BBS7: variants seen among roughly 807,000 people sequenced by gnomAD.
BBS7 encodes BBSome complex member BBS7.
A neutral mutation model predicts 90.3 loss-of-function variants in BBS7; 50 were observed. The ratio of observed to expected loss-of-function variants is 0.55; its 90% CI spans 0.44 to 0.70. The LOEUF (loss-of-function observed/expected upper bound fraction) is 0.70. BBS7 is among the 30% of genes least tolerant of loss of function. BBS7 has a pLI of 0.00. For missense variants in BBS7, 729 were observed against 838.9 expected (o/e 0.87, Z 1.62); for synonymous variants, 235 against 287.4 (o/e 0.82, Z 1.85).
intron 12 of BBS7, 94 bp downstream of exon 12, chr4:121,843,833 G>T: frequency 1.2e-6 from 1 of 842,732 alleles, no homozygotes; most frequent in Non-Finnish European, 1.9e-6. Context: ...AATTGAAAAA[G>T]AAACATCAAA....
Position 121,861,639 on chromosome 4 carries a change from A to T in BBS7, c.206T>A (p.Leu69Gln), listed in dbSNP as rs1726984410. The change falls in exon 4 of 19, where the codon CTG becomes CAG. Residue 69 changes from leucine (L) to glutamine (Q), a missense_variant. Physicochemically the swap from Leu to Gln is moderately radical, Grantham distance 113 (BLOSUM62 -2). Coordinates refer to ENST00000264499, the MANE Select transcript of BBS7 (RefSeq NM_176824.3). Reference sequence around the variant, plus strand: ...TGTGTTGATAACCCCTCCCAGTTCCAGCCTTGCAATCTTCGGCCCGGGTAA... The same window carrying T: ...TGTGTTGATAACCCCTCCCAGTTCCTGCCTTGCAATCTTCGGCCCGGGTAA... ...KTLPGPKIAR[L>Q]ELGGVINTPQ... 2 of 1,613,746 alleles carry T rather than the reference A, an allele frequency of 1.2e-6. No individual in the cohort carries two copies. The highest frequency in any genetic ancestry group is 1.7e-6 in the Non-Finnish European group (2 of 1,179,850).
chr4:121,867,370 GATA>G (rs1220782579), intron 2 of BBS7, among the ~76,000 whole-genome samples: 17 of 152,094 alleles, frequency 1.1e-4, no homozygotes, highest in African/African-American at 4.1e-4. Context: ...GGCAAACAGA[GATA>G]ATTTGACTCT....
chr4:121,867,895 G>T, intron 2 of BBS7, 86 bp downstream of exon 2: 1 of 1,170,448 alleles, frequency 8.5e-7, no homozygotes, highest in Non-Finnish European at 1.3e-6. Context: ...ATTTTTAAGA[G>T]AATAACTTAA....
At chr4:121,842,622 C>T (rs998519074) in intron 12 of BBS7, among the ~76,000 whole-genome samples, 4 of 151,882 alleles carry the variant, frequency 2.6e-5, no homozygotes, top group Admixed American at 2.0e-4. Flanking sequence ...GGCAACAGAG[C>T]GAGACCATGT....
intron 3 of BBS7, 43 bp from the exon 4 acceptor site, chr4:121,861,722 T>C (rs1726992591): frequency 6.2e-7 from 1 of 1,605,078 alleles, no homozygotes; most frequent in African/African-American, 1.3e-5. Context: ...AATTACTTTA[T>C]TGTGAGCATT....
chr4:121,864,029 G>A (rs1018673008), intron 2 of BBS7, among the ~76,000 whole-genome samples: 5 of 152,148 alleles, frequency 3.3e-5, no homozygotes, highest in African/African-American at 4.8e-5. Flanking sequence ...GATCAGCAGC[G>A]TCATTAGATT....
intron 1 of BBS7, 28 bp downstream of exon 1, chr4:121,870,250 C>T (rs1428426711): frequency 6.2e-7 from 1 of 1,613,466 alleles, no homozygotes; most frequent in Non-Finnish European, 8.5e-7. Flanking sequence ...TTGCCCAGCG[C>T]GGCGCCCGCC....
Position 121,843,998 on chromosome 4 carries a change from C to T in BBS7, c.1234G>A (p.Asp412Asn). ...ACATCAAGTAAATCTATTGGAACAT[C>T]ACTCTATAGTCAATATTAAAAAAAA... ...TAIDNVLIQS[D>N]VPIDLLDVDK... Residue 412 changes from aspartate to asparagine, a missense_variant, in exon 12 of 19, where the codon GAT (aspartate) becomes AAT (asparagine). Transcript: ENST00000264499. 1 of 1,580,692 alleles carries T rather than the reference C, an allele frequency of 6.3e-7. No homozygotes were observed. The highest frequency in any genetic ancestry group is 8.7e-7 in the Non-Finnish European group (1 of 1,155,258).
intron 3 of BBS7, among the ~76,000 whole-genome samples, chr4:121,862,437 T>C (rs893065682): frequency 1.6e-4 from 25 of 152,172 alleles, no homozygotes; most frequent in Non-Finnish European, 4.4e-5. Flanking sequence ...TTTTATTCTC[T>C]TCATCTTTCT....
intron 2 of BBS7, 56 bp from the exon 3 acceptor site, chr4:121,863,335 A>T: frequency 7.1e-7 from 1 of 1,414,680 alleles, no homozygotes; most frequent in Non-Finnish European, 1.0e-6. Flanking sequence ...TGACCTAATA[A>T]TTATATACAG....
intron 4 of BBS7, among the ~76,000 whole-genome samples, chr4:121,859,931 T>C (rs1432788601): frequency 6.6e-6 from 1 of 152,118 alleles, no homozygotes; most frequent in Non-Finnish European, 1.5e-5. Flanking sequence ...TGACAAAAAT[T>C]ATATTTAAGT....
chr4:121,842,517 C>A (rs1269599348), intron 12 of BBS7, among the ~76,000 whole-genome samples: 1 of 151,610 alleles, frequency 6.6e-6, no homozygotes, highest in Non-Finnish European at 1.5e-5. Context: ...TGCCTGTAGT[C>A]CCAGCTACTT....
intron 10 of BBS7, 78 bp downstream of exon 10, chr4:121,847,326 G>T: frequency 1.1e-6 from 1 of 879,674 alleles, no homozygotes; most frequent in Non-Finnish European, 1.9e-6. Flanking sequence ...AAAATATACT[G>T]CATCTATAAG....
intron 14 of BBS7, among the ~76,000 whole-genome samples, chr4:121,833,861 A>T (rs888222155): frequency 2.0e-5 from 3 of 152,096 alleles, no homozygotes; most frequent in Non-Finnish European, 4.4e-5. Context: ...AAAAAAGCTT[A>T]TCTAGTATTT....
At chr4:121,849,042 A>T in intron 8 of BBS7, 114 bp from the exon 9 acceptor site, 5 of 675,920 alleles carry the variant, frequency 7.4e-6, no homozygotes, top group African/African-American at 1.8e-5. Flanking sequence ...TATTTACTGA[A>T]TGTTTATGTG....
At chr4:121,858,879 CAT>C (rs1041827379) in intron 5 of BBS7, 111 bp downstream of exon 5, 72 of 973,346 alleles carry the variant, frequency 7.4e-5, no homozygotes, top group East Asian at 5.3e-4. Context: ...ATTGTTTCCA[CAT>C]GTTTATAAAA....
Position 121,863,295 on chromosome 4 carries a change from G to T in BBS7, c.103-16C>A. On this transcript the variant is annotated splice_polypyrimidine_tract_variant and intron_variant, in intron 2 of 18. Transcript: ENST00000264499. ...CAATAACCACCTGTAATAGATGGAA[G>T]ATAATCTAAAATTACTATTATTAAT... 1 of 1,598,938 alleles carries T rather than the reference G, an allele frequency of 6.3e-7. No individual in the cohort carries two copies. The highest frequency in any genetic ancestry group is 8.6e-7 in the Non-Finnish European group (1 of 1,166,942).
intron 13 of BBS7, among the ~76,000 whole-genome samples, chr4:121,836,314 C>T (rs1725448224): frequency 6.6e-6 from 1 of 152,146 alleles, no homozygotes; most frequent in Admixed American, 6.5e-5. Flanking sequence ...CCCCTTATCT[C>T]TGCCTCTCCT....
chr4:121,868,130 A>T, intron 1 of BBS7, 84 bp from the exon 2 acceptor site: 1 of 1,066,656 alleles, frequency 9.4e-7, no homozygotes, highest in Non-Finnish European at 1.5e-6. Context: ...CCTTTTTGTT[A>T]AACTGAAATT....
Sources: gnomAD v4.1 joint callset for allele counts (sites outside exome capture counted in the v4.1 genomes callset) on GRCh38, gnomAD v4.1.1 for gene constraint, MANE v1.5 for transcripts, NCBI Gene and HGNC (gene_info 2026-07-23, HGNC 2026-07-21) for gene names.